KLHL24: variants seen among roughly 807,000 people sequenced by gnomAD.
The protein encoded by KLHL24 is kelch-like protein 24.
A neutral mutation model predicts 53.4 loss-of-function variants in KLHL24; 29 were observed. The ratio of observed to expected loss-of-function variants is 0.54; its 90% confidence interval spans 0.40 to 0.74. KLHL24 has a LOEUF of 0.74. Among genes scored for constraint, KLHL24 ranks in the 30% least tolerant of loss-of-function variants. KLHL24 has a pLI of 0.00. For missense variants in KLHL24, 504 were observed against 744.0 expected (o/e 0.68, Z 3.75); for synonymous variants, 222 against 253.7 (o/e 0.88, Z 1.19).
At chr3:183,677,719 A>C (rs1712127870) in intron 7 of KLHL24, among the ~76,000 whole-genome samples, 1 of 152,236 alleles carries the variant, frequency 6.6e-6, no homozygotes, top group African/African-American at 2.4e-5. Flanking sequence ...AAATGGAAGA[A>C]TATCTGGCCT....
intron 7 of KLHL24, among the ~76,000 whole-genome samples, chr3:183,673,438 C>A (rs1721636066): frequency 6.6e-6 from 1 of 151,826 alleles, no homozygotes; most frequent in Non-Finnish European, 1.5e-5. Context: ...AGTATTTATC[C>A]CCTCTCTTTC....
chr3:183,651,355 G>A, intron 3 of KLHL24, 79 bp downstream of exon 3: 2 of 973,522 alleles, frequency 2.1e-6, no homozygotes, highest in Middle Eastern at 4.7e-4. Context: ...TCTCAGTGTT[G>A]TCATTTATAT....
At position 183,679,275 on chromosome 3, in the gene KLHL24, T is replaced by C. The variant is rs755135336; in HGVS notation, c.1792T>C (p.Phe598Leu). ...TATTCATAGATACAATGAGAAATGCTTTAAACTCTGAAGACAGGATACCTC... is the reference window on the plus strand; with the variant it reads ...TATTCATAGATACAATGAGAAATGCCTTAAACTCTGAAGACAGGATACCTC... ...VTIHRYNEKC[F>L]KL The change falls in exon 8 of 8, where the codon TTT (phenylalanine) becomes CTT (leucine). Residue 598 changes from phenylalanine (F) to leucine (L), a missense_variant. Physicochemically the swap from Phe to Leu is conservative, Grantham distance 22 (BLOSUM62 0). Transcript: ENST00000242810. 4.3e-6 allele frequency: 7 copies of C among 1,613,500 alleles called. No homozygotes were observed. The highest frequency in any genetic ancestry group is 1.1e-5 in the South Asian group (1 of 91,080).
At chr3:183,665,418 T>C (rs557869035) in intron 5 of KLHL24, among the ~76,000 whole-genome samples, 1 of 152,348 alleles carries the variant, frequency 6.6e-6, no homozygotes, top group Admixed American at 6.5e-5. Context: ...TCCAAAGTCA[T>C]GTATTTTATC....
In KLHL24 at chr3:183,671,213, T is replaced by G; in HGVS notation, c.1404T>G (p.Cys468Trp). Residue 468 changes from cysteine (C) to tryptophan (W), a missense_variant, in exon 6 of 8, where the codon TGT becomes TGG. By Grantham distance (215) the Cys-to-Trp change is radical (BLOSUM62 -2). Coordinates refer to ENST00000242810, the MANE Select transcript of KLHL24 (RefSeq NM_017644.3). ...GTGGAGGACCTGATGATAATACTTG[T>G]TCTGATAAGGTAAGCCATGCACTTT... ...VIGGGPDDNTCSDKVQSYDPE... is the reference protein window; with the variant it reads ...VIGGGPDDNTWSDKVQSYDPE... The G allele has an allele frequency of 6.2e-7, 1 of 1,613,574 alleles. No individual in the cohort carries two copies. The highest frequency in any genetic ancestry group is 8.5e-7 in the Non-Finnish European group (1 of 1,179,666).
At position 183,684,334 on chromosome 3, in the gene KLHL24, A is replaced by G. The variant is rs1205700916; in HGVS notation, c.*5048A>G. On this transcript the variant is annotated 3_prime_UTR_variant, in exon 8 of 8. Coordinates refer to ENST00000242810, the MANE Select transcript of KLHL24 (RefSeq NM_017644.3). The stretch of plus-strand genomic sequence containing the variant: ...TTCAATTAGAGGCTCCAGAGTCTTC[A>G]TAGTGGAAAGAATGCTTTGTATTTA... 1 of 152,768 alleles carries G rather than the reference A, an allele frequency of 6.5e-6. No individual in the cohort carries two copies. Among genetic ancestry groups the G allele is most frequent in the African/African-American group, 2.4e-5 (1 of 41,588 alleles). The allele number at this position is 152,768 out of a possible 1,614,324, so 9.5% of individuals were successfully genotyped here.
intron 3 of KLHL24, among the ~76,000 whole-genome samples, chr3:183,661,800 A>G (rs993415079): frequency 2.0e-5 from 3 of 152,226 alleles, no homozygotes; most frequent in African/African-American, 7.2e-5. Context: ...ACAAAATCCT[A>G]TGATATATAA....
At chr3:183,638,983 C>T (rs1715844864) in intron 1 of KLHL24, among the ~76,000 whole-genome samples, 1 of 151,204 alleles carries the variant, frequency 6.6e-6, no homozygotes, top group African/African-American at 2.4e-5. Flanking sequence ...GGTGGATCAC[C>T]TGAGGTCAGG....
At chr3:183,639,745 C>G (rs1716059972) in intron 1 of KLHL24, among the ~76,000 whole-genome samples, 1 of 151,986 alleles carries the variant, frequency 6.6e-6, no homozygotes, top group Admixed American at 6.6e-5. Flanking sequence ...GTGACTCACG[C>G]TTGTAATCCC....
intron 5 of KLHL24, 29 bp downstream of exon 5, chr3:183,665,068 G>A: frequency 8.8e-7 from 1 of 1,141,060 alleles, no homozygotes; most frequent in Non-Finnish European, 1.3e-6. Context: ...TATTACTATT[G>A]CTGGTACCTT....
At position 183,663,646 on chromosome 3, in the gene KLHL24, A is replaced by C; in HGVS notation, c.1105+4A>C. ...AGGAATGACATTCTTGTTTCAGGTA[A>C]ATATAGAATTATTACAGTAGCTACT... On this transcript the variant is annotated splice_donor_region_variant and intron_variant, in intron 4 of 7. Transcript: ENST00000242810. This position sits in a 1 kb window ranked among gnomAD's most constrained non-coding sequence, Gnocchi z 4.9. The C allele has an allele frequency of 6.6e-7, 1 of 1,505,686 alleles. No individual in the cohort carries two copies. The highest frequency in any genetic ancestry group is 9.0e-7 in the Non-Finnish European group (1 of 1,114,676). 93.3% of individuals were successfully genotyped at this position (1,505,686 alleles called of 1,614,324 possible). A position where few individuals can be genotyped will look rare whatever the true frequency, so the allele number is the denominator to read the frequency against.
At chr3:183,662,946 C>T (rs1278914587) in intron 3 of KLHL24, among the ~76,000 whole-genome samples, 5 of 152,040 alleles carry the variant, frequency 3.3e-5, no homozygotes, top group Non-Finnish European at 7.4e-5. Context: ...ATTTACTTGA[C>T]TTTGTATTTT....
chr3:183,635,895 C>T (rs2108736861), intron 1 of KLHL24, 102 bp downstream of exon 1: 1 of 152,588 alleles, frequency 6.6e-6, no homozygotes, highest in East Asian at 1.9e-4. Context: ...CAGAGCCAGA[C>T]TGGCGGTCTG....
intron 3 of KLHL24, 135 bp downstream of exon 3, chr3:183,651,411 TTA>T (rs1028133197): frequency 3.1e-6 from 2 of 635,434 alleles, no homozygotes; most frequent in African/African-American, 3.7e-5. Context: ...TTATTTTGGA[TTA>T]TATGTCACTA....
chr3:183,651,352 G>A (rs1718088540), intron 3 of KLHL24, 76 bp downstream of exon 3: 2 of 1,031,260 alleles, frequency 1.9e-6, no homozygotes. Flanking sequence ...CAATCTCAGT[G>A]TTGTCATTTA....
At chr3:183,651,692 C>T (rs1191989310) in intron 3 of KLHL24, among the ~76,000 whole-genome samples, 1 of 152,308 alleles carries the variant, frequency 6.6e-6, no homozygotes, top group Middle Eastern at 3.4e-3. Context: ...CAGGGGCTCA[C>T]ACCTATAATC....
Position 183,635,800 on chromosome 3 carries a change from G to A in KLHL24, c.-125+7G>A, listed in dbSNP as rs1368953731. 6.6e-6 allele frequency: 1 copy of A among 152,364 alleles called. No individual in the cohort carries two copies. The highest frequency in any genetic ancestry group is 1.5e-5 in the Non-Finnish European group (1 of 68,186). 9.4% of individuals were successfully genotyped at this position (152,364 alleles called of 1,614,324 possible). On this transcript the variant is annotated splice_region_variant and intron_variant, in intron 1 of 7. Coordinates refer to ENST00000242810, the MANE Select transcript of KLHL24 (RefSeq NM_017644.3). ...GCCGAAAGGCGAGGAACCGGTCAGA[G>A]TCTGAGTCCTCGGGGGCGGAGGGGC...
Position 183,679,426 on chromosome 3 carries a change from A to C in KLHL24, c.*140A>C, listed in dbSNP as rs964585384. 36 of 631,234 alleles carry C rather than the reference A, an allele frequency of 5.7e-5. 1 individual carries two copies. Among genetic ancestry groups the C allele is most frequent in the Middle Eastern group, 3.6e-4 (1 of 2,812 alleles). The allele number at this position is 631,234 out of a possible 1,614,324, so 39.1% of individuals were successfully genotyped here. A position where few individuals can be genotyped will look rare whatever the true frequency, so the allele number is the denominator to read the frequency against. ...AATAATTTGGTGCCTTTCTCCTCAA[A>C]ATATCAATCTTTCAAACTATAATAA... is the stretch of plus-strand genomic sequence containing the variant. On this transcript the variant is annotated 3_prime_UTR_variant, in exon 8 of 8. Transcript: ENST00000242810.
intron 7 of KLHL24, among the ~76,000 whole-genome samples, chr3:183,678,457 C>G (rs1056374514): frequency 1.3e-5 from 2 of 152,106 alleles, no homozygotes; most frequent in Non-Finnish European, 2.9e-5. Flanking sequence ...AGTTAAAACC[C>G]TTTTATCAGT....
Sources: allele counts gnomAD v4.1 joint callset (sites outside exome capture counted in the v4.1 genomes callset), GRCh38; gene constraint gnomAD v4.1.1; non-coding constraint Gnocchi (gnomAD v3.1); transcripts MANE v1.5; gene names NCBI Gene and HGNC (gene_info 2026-07-23, HGNC 2026-07-21).